Variants in PSIP1 observed in about 807,000 individuals in gnomAD.
PSIP1 encodes the protein PC4 and SFRS1-interacting protein.
PSIP1 carries 19 observed loss-of-function variants against 74.7 expected under a neutral mutation model. That is an observed-to-expected ratio of 0.25 (90% CI 0.18 to 0.37). The LOEUF (loss-of-function observed/expected upper bound fraction) is 0.37. PSIP1 is among the 10% of genes least tolerant of loss of function. PSIP1 has a pLI of 1.00. For missense variants in PSIP1, 601 were observed against 614.3 expected, an observed-to-expected ratio of 0.98 and a Z score of 0.23; for synonymous variants, 222 against 195.3, an observed-to-expected ratio of 1.14 and a Z score of -1.14.
intron 2 of PSIP1, among the ~76,000 whole-genome samples, chr9:15,507,009 A>AT (rs2037622455): frequency 6.6e-6 from 1 of 152,258 alleles, no homozygotes; most frequent in Non-Finnish European, 1.5e-5. Flanking sequence ...ATTGTTAATC[A>AT]TATCATTTCA....
Position 15,465,355 on chromosome 9 carries a change from T to C in PSIP1, c.*165A>G. ...GCTGTTAATACTGCACAAGTACACT[T>C]AGCGATAATGTTTACTTTACTTTAA... On this transcript the variant is annotated 3_prime_UTR_variant, in exon 16 of 16. Transcript: ENST00000380733. 1 of 603,394 alleles carries C rather than the reference T, an allele frequency of 1.7e-6. No homozygotes were observed. Among genetic ancestry groups the C allele is most frequent in the Non-Finnish European group, 2.9e-6 (1 of 350,166 alleles). The allele number at this position is 603,394 out of a possible 1,614,324, so 37.4% of individuals were successfully genotyped here. A position where few individuals can be genotyped will look rare whatever the true frequency, so the allele number is the denominator to read the frequency against.
chr9:15,506,447 T>G, intron 3 of PSIP1, 114 bp downstream of exon 3: 1 of 706,642 alleles, frequency 1.4e-6, no homozygotes, highest in Non-Finnish European at 2.3e-6. Context: ...TTTCCAAAGT[T>G]CAAAGATTTT....
chr9:15,467,995 C>G, intron 14 of PSIP1, among the ~76,000 whole-genome samples: 1 of 152,072 alleles, frequency 6.6e-6, no homozygotes, highest in East Asian at 1.9e-4. Flanking sequence ...TGGCGTATGC[C>G]TGTAATCCCA....
Position 15,465,537 on chromosome 9 carries a change from A to T in PSIP1, c.1576T>A (p.Ser526Thr), listed in dbSNP as rs1456777112. Residue 526 changes from serine (S) to threonine (T), a missense_variant, in exon 16 of 16, where the codon TCT (serine) becomes ACT (threonine). Ser to Thr is a moderately conservative substitution (Grantham distance 58, BLOSUM62 1). Coordinates refer to ENST00000380733, the MANE Select transcript of PSIP1 (RefSeq NM_033222.5). ...ATGTCAACCTAGTTATCTAGTGTAGAATCCTTCAGAGATATTTCAGTCTCT... is the reference window on the plus strand; with the variant it reads ...ATGTCAACCTAGTTATCTAGTGTAGTATCCTTCAGAGATATTTCAGTCTCT... ...ERETEISLKD[S>T]TLDN The T allele has an allele frequency of 1.3e-6, 2 of 1,578,966 alleles. No individual in the cohort carries two copies. The highest frequency in any genetic ancestry group is 2.7e-5 in the African/African-American group (2 of 73,882).
chr9:15,468,236 A>G (rs1043845226), intron 14 of PSIP1: 9 of 420,192 alleles, frequency 2.1e-5, no homozygotes, highest in African/African-American at 1.7e-4. Context: ...GTCTCCACCT[A>G]TGAGGCTGTG....
At chr9:15,499,601 C>T (rs1021943922) in intron 3 of PSIP1, among the ~76,000 whole-genome samples, 2 of 152,154 alleles carry the variant, frequency 1.3e-5, no homozygotes, top group African/African-American at 4.8e-5. Context: ...AGGCCAGGCA[C>T]GGTGGCTCAT....
At chr9:15,468,928 A>C in intron 13 of PSIP1, 29 bp downstream of exon 13, 1 of 1,607,188 alleles carries the variant, frequency 6.2e-7, no homozygotes, top group South Asian at 1.1e-5. Context: ...ACAAAATTCA[A>C]AGAATCCACA....
intron 7 of PSIP1, among the ~76,000 whole-genome samples, chr9:15,479,374 A>G (rs948123220): frequency 3.9e-5 from 6 of 152,178 alleles, no homozygotes; most frequent in African/African-American, 1.4e-4. Flanking sequence ...TCTTACCACT[A>G]TTTAGGGAAA....
chr9:15,501,552 T>A (rs530174195), intron 3 of PSIP1, among the ~76,000 whole-genome samples: 1 of 151,940 alleles, frequency 6.6e-6, no homozygotes, highest in African/African-American at 2.4e-5. Context: ...ATTTTTACAA[T>A]AGAAAAAAGC....
chr9:15,486,267 G>A (rs16933320), intron 5 of PSIP1, among the ~76,000 whole-genome samples, 199 bp from the exon 6 acceptor site: 1 of 152,172 alleles, frequency 6.6e-6, no homozygotes, highest in Non-Finnish European at 1.5e-5. Context: ...CAGATCAAAT[G>A]TAAGTCATGG....
intron 8 of PSIP1, among the ~76,000 whole-genome samples, chr9:15,475,193 G>A (rs895782860): frequency 6.6e-6 from 1 of 152,056 alleles, no homozygotes; most frequent in South Asian, 2.1e-4. Context: ...TTATCATTGG[G>A]TATGCTTATT....
intron 3 of PSIP1, chr9:15,506,029 G>GT (rs1345991085): frequency 4.6e-5 from 7 of 152,286 alleles, no homozygotes; most frequent in Admixed American, 4.6e-4. Context: ...GCACTTGGCA[G>GT]TAACATACGT....
chr9:15,484,619 CG>C (rs1563880475), intron 6 of PSIP1, among the ~76,000 whole-genome samples: 1 of 151,584 alleles, frequency 6.6e-6, no homozygotes, highest in Non-Finnish European at 1.5e-5. Context: ...CCCAGCTAAT[CG>C]GGGGGCTGAG....
intron 3 of PSIP1, among the ~76,000 whole-genome samples, chr9:15,503,296 G>A (rs1254401659): frequency 6.6e-6 from 1 of 152,028 alleles, no homozygotes; most frequent in Non-Finnish European, 1.5e-5. Context: ...GTATCTCAGA[G>A]GTGGAGGTTG....
At chr9:15,471,951 T>A in intron 10 of PSIP1, 1 of 974,362 alleles carries the variant, frequency 1.0e-6, no homozygotes, top group Non-Finnish European at 1.2e-6. Flanking sequence ...GAAGTGACAG[T>A]CTAAAGGTAA....
intron 3 of PSIP1, among the ~76,000 whole-genome samples, chr9:15,492,864 T>C (rs1280866097): frequency 1.3e-5 from 2 of 152,230 alleles, no homozygotes; most frequent in African/African-American, 2.4e-5. Context: ...CAGCTATACC[T>C]TGGTCCCTTT....
At chr9:15,481,164 T>G (rs931301554) in intron 6 of PSIP1, among the ~76,000 whole-genome samples, 1 of 152,230 alleles carries the variant, frequency 6.6e-6, no homozygotes, top group Non-Finnish European at 1.5e-5. Context: ...AAAGTTGCCC[T>G]GCCCCAATCC....
chr9:15,470,368 G>C (rs1033193842), intron 10 of PSIP1, among the ~76,000 whole-genome samples: 20 of 152,180 alleles, frequency 1.3e-4, no homozygotes, highest in African/African-American at 3.9e-4. Context: ...CATTGTGCAT[G>C]TAACAAGCAG....
intron 6 of PSIP1, 41 bp downstream of exon 6, chr9:15,485,965 T>C: frequency 6.6e-7 from 1 of 1,515,100 alleles, no homozygotes; most frequent in Non-Finnish European, 9.1e-7. Context: ...AAAATAAAAA[T>C]TCTTTTCAGA....
Sources: allele counts gnomAD v4.1 joint callset (sites outside exome capture counted in the v4.1 genomes callset), GRCh38; gene constraint gnomAD v4.1.1; transcripts MANE v1.5; gene names NCBI Gene and HGNC (gene_info 2026-07-23, HGNC 2026-07-21).